Variants in TRAT1 observed in about 807,000 individuals in gnomAD.
TRAT1 encodes the protein T cell receptor associated transmembrane adaptor 1.
Under a neutral mutation model 20.0 loss-of-function variants are expected in TRAT1, and 20 were observed. That is an observed-to-expected ratio of 1.00 (90% CI 0.70 to 1.45). The LOEUF (loss-of-function observed/expected upper bound fraction) is 1.45. Ranked by LOEUF, TRAT1 falls within the 40% of genes most tolerant of loss-of-function variation. TRAT1 has a pLI of 0.00. For synonymous variants in TRAT1, 77 were observed against 74.2 expected (o/e 1.04, Z -0.20); for missense variants, 237 against 224.1 (o/e 1.06, Z -0.37).
intron 2 of TRAT1, among the ~76,000 whole-genome samples, chr3:108,835,821 TC>T (rs1282578160): frequency 6.6e-6 from 1 of 152,126 alleles, no homozygotes; most frequent in Non-Finnish European, 1.5e-5. Flanking sequence ...ACAGTTTTTG[TC>T]TTTTTTTTCT....
At chr3:108,841,121 T>G (rs2107512243) in intron 3 of TRAT1, among the ~76,000 whole-genome samples, 1 of 152,286 alleles carries the variant, frequency 6.6e-6, no homozygotes, top group Middle Eastern at 3.4e-3. Flanking sequence ...AAATTAGAAG[T>G]GAGAAAAGAA....
intron 5 of TRAT1, among the ~76,000 whole-genome samples, chr3:108,851,483 G>A (rs1315450763): frequency 6.6e-6 from 1 of 151,926 alleles, no homozygotes; most frequent in Non-Finnish European, 1.5e-5. Context: ...CCTTTCCAAA[G>A]CCAATGCTCT....
At chr3:108,828,064 T>C (rs1945757850) in intron 1 of TRAT1, among the ~76,000 whole-genome samples, 3 of 152,152 alleles carry the variant, frequency 2.0e-5, no homozygotes. Context: ...TTTGTCCAAA[T>C]GATTGGATGA....
chr3:108,846,446 G>T (rs576173839), intron 3 of TRAT1, among the ~76,000 whole-genome samples: 1 of 152,248 alleles, frequency 6.6e-6, no homozygotes, highest in South Asian at 2.1e-4. Flanking sequence ...GTGAGTTTTT[G>T]ATACAATGTA....
chr3:108,833,104 A>G (rs116597718), intron 2 of TRAT1, among the ~76,000 whole-genome samples: 1,684 of 152,312 alleles, frequency 0.011, 32 homozygotes, highest in African/African-American at 0.036. Context: ...CACTGCAGAA[A>G]GACAGTAGCC....
intron 2 of TRAT1, among the ~76,000 whole-genome samples, chr3:108,834,071 T>G (rs773110464): frequency 4.6e-5 from 7 of 152,192 alleles, no homozygotes; most frequent in Non-Finnish European, 8.8e-5. Context: ...CAGCTCCAAC[T>G]TCACTTTCCT....
chr3:108,852,369 G>A (rs181946400), intron 5 of TRAT1, among the ~76,000 whole-genome samples: 5 of 148,310 alleles, frequency 3.4e-5, no homozygotes, highest in East Asian at 2.0e-4. Flanking sequence ...TGACAAGAGC[G>A]AAAGTCCATC....
rs767320331 is a variant in TRAT1, at chr3:108,830,735, T to A, written c.73T>A (p.Ser25Thr). ...LALLGLALVI[S>T]LIFNISHYVE... ...ATTGTTGGGCTTGGCTTTGGTTATA[T>A]CACTGATCTTCAATATTTCCCACTA... The change falls in exon 2 of 6, where the codon TCA becomes ACA. Residue 25 changes from serine to threonine, a missense_variant. Coordinates refer to ENST00000295756, the MANE Select transcript of TRAT1 (RefSeq NM_016388.4). The A allele has an allele frequency of 6.2e-7, 1 of 1,613,984 alleles. No homozygotes were observed. The highest frequency in any genetic ancestry group is 1.1e-5 in the South Asian group (1 of 91,072).
Position 108,849,151 on chromosome 3 carries a change from T to C in TRAT1, c.215-15T>C, listed in dbSNP as rs1442401902. 6.2e-7 allele frequency: 1 copy of C among 1,604,194 alleles called. No homozygotes were observed. On this transcript the variant is annotated splice_polypyrimidine_tract_variant and intron_variant, in intron 4 of 5. Coordinates refer to ENST00000295756, the MANE Select transcript of TRAT1 (RefSeq NM_016388.4). The stretch of plus-strand genomic sequence containing the variant: ...AAATTTTCTATTGTGAATCACAATC[T>C]TTTTAATTCCCAAGAACCAATGGAT...
chr3:108,837,259 A>T (rs1945849126), intron 2 of TRAT1, among the ~76,000 whole-genome samples: 1 of 152,174 alleles, frequency 6.6e-6, no homozygotes, highest in South Asian at 2.1e-4. Flanking sequence ...CTGGACTAGA[A>T]GTATGTTTCT....
intron 5 of TRAT1, among the ~76,000 whole-genome samples, chr3:108,851,710 G>A (rs1576526298): frequency 6.7e-6 from 1 of 148,602 alleles, no homozygotes; most frequent in Non-Finnish European, 1.5e-5. Context: ...CTATTGTTTT[G>A]ATTTCTTTGG....
intron 2 of TRAT1, among the ~76,000 whole-genome samples, chr3:108,835,096 A>G (rs1945826909): frequency 6.6e-6 from 1 of 152,252 alleles, no homozygotes; most frequent in African/African-American, 2.4e-5. Flanking sequence ...TCCTATCAGT[A>G]GGAAATTATG....
chr3:108,839,976 T>C (rs1312643337), intron 3 of TRAT1, among the ~76,000 whole-genome samples: 3 of 152,162 alleles, frequency 2.0e-5, no homozygotes, highest in Middle Eastern at 3.4e-3. Flanking sequence ...AAAATCTAAA[T>C]AAAGAGAATT....
intron 2 of TRAT1, among the ~76,000 whole-genome samples, chr3:108,836,054 G>A (rs1029737827): frequency 9.2e-5 from 14 of 151,808 alleles, no homozygotes; most frequent in Non-Finnish European, 1.8e-4. Flanking sequence ...CGAGTAGCTG[G>A]GACTACAGGC....
intron 2 of TRAT1, among the ~76,000 whole-genome samples, chr3:108,838,346 T>TG (rs768320560): frequency 3.5e-4 from 50 of 143,388 alleles, no homozygotes; most frequent in African/African-American, 1.2e-3. Context: ...AGATGATAGA[T>TG]ATAGATAGAT....
intron 2 of TRAT1, among the ~76,000 whole-genome samples, chr3:108,832,955 G>A (rs1435200846): frequency 6.6e-6 from 1 of 152,082 alleles, no homozygotes; most frequent in Non-Finnish European, 1.5e-5. Context: ...AGCTGTACTA[G>A]TCTTTTACAA....
At chr3:108,825,658 C>T (rs1393411723) in intron 1 of TRAT1, among the ~76,000 whole-genome samples, 2 of 152,066 alleles carry the variant, frequency 1.3e-5, no homozygotes, top group Non-Finnish European at 2.9e-5. Flanking sequence ...AATTAAAGAT[C>T]ATAGTTCCAA....
chr3:108,848,678 C>T (rs530447699), intron 4 of TRAT1, among the ~76,000 whole-genome samples: 1 of 152,168 alleles, frequency 6.6e-6, no homozygotes, highest in Non-Finnish European at 1.5e-5. Context: ...TAATATAAAC[C>T]CTCTTTTTCA....
At chr3:108,827,423 C>T (rs968119031) in intron 1 of TRAT1, among the ~76,000 whole-genome samples, 14 of 136,848 alleles carry the variant, frequency 1.0e-4, no homozygotes, top group Admixed American at 1.5e-4. Flanking sequence ...TGTGTGTGTA[C>T]GTTTATACAG....
Sources: allele counts gnomAD v4.1 joint callset (sites outside exome capture counted in the v4.1 genomes callset), GRCh38; gene constraint gnomAD v4.1.1; transcripts MANE v1.5; gene names NCBI Gene and HGNC (gene_info 2026-07-23, HGNC 2026-07-21).